The following MND1 variants were observed in gnomAD, a reference collection of about 807,000 sequenced individuals.
MND1 encodes meiotic nuclear division protein 1 homolog.
Under a neutral mutation model 35.1 loss-of-function variants are expected in MND1, and 28 were observed. The observed-to-expected ratio is 0.80, with a 90% CI of 0.59 to 1.09. The LOEUF (loss-of-function observed/expected upper bound fraction) is 1.09. Ranked by LOEUF, MND1 falls within the 50% of genes least tolerant of loss-of-function variation. The pLI, the probability that MND1 is intolerant of heterozygous loss-of-function variation, is 0.00. For synonymous variants in MND1, 69 were observed against 70.5 expected (o/e 0.98, Z 0.11); for missense variants, 213 against 239.6 (o/e 0.89, Z 0.73).
At chr4:153,370,355 C>T (rs1430459824) in intron 4 of MND1, among the ~76,000 whole-genome samples, 1 of 152,056 alleles carries the variant, frequency 6.6e-6, no homozygotes, top group East Asian at 1.9e-4. Context: ...TCTTTATTCT[C>T]TGCTTCTCCT....
At chr4:153,366,926 G>C (rs1773650217) in intron 4 of MND1, among the ~76,000 whole-genome samples, 1 of 152,142 alleles carries the variant, frequency 6.6e-6, no homozygotes, top group Non-Finnish European at 1.5e-5. Context: ...GTGGAATTGG[G>C]ATTCCGTCTC....
At chr4:153,405,808 A>G (rs183419333) in intron 6 of MND1, among the ~76,000 whole-genome samples, 5 of 152,116 alleles carry the variant, frequency 3.3e-5, no homozygotes, top group East Asian at 1.9e-4. Flanking sequence ...AAACAGATTT[A>G]TATTTCTTTT....
At chr4:153,402,175 T>C (rs1037129307) in intron 6 of MND1, among the ~76,000 whole-genome samples, 1 of 152,112 alleles carries the variant, frequency 6.6e-6, no homozygotes, top group African/African-American at 2.4e-5. Flanking sequence ...CAAACATTAA[T>C]TGCAATATCA....
intron 6 of MND1, among the ~76,000 whole-genome samples, chr4:153,402,670 A>G (rs1002339742): frequency 6.6e-6 from 1 of 152,030 alleles, no homozygotes; most frequent in Non-Finnish European, 1.5e-5. Flanking sequence ...CATTATTTAC[A>G]TGTTTGGTGG....
At chr4:153,410,429 CAT>C (rs1230312284) in intron 7 of MND1, among the ~76,000 whole-genome samples, 2 of 152,088 alleles carry the variant, frequency 1.3e-5, no homozygotes, top group South Asian at 2.1e-4. Context: ...CCAGCTTAAA[CAT>C]GTGTTATGCA....
At chr4:153,363,927 T>C (rs533783207) in intron 4 of MND1, among the ~76,000 whole-genome samples, 2 of 152,296 alleles carry the variant, frequency 1.3e-5, no homozygotes, top group African/African-American at 4.8e-5. Flanking sequence ...CTCACTAGGA[T>C]GGCTACTATC....
intron 2 of MND1, 69 bp from the exon 3 acceptor site, chr4:153,355,585 T>A (rs1468678376): frequency 7.8e-6 from 8 of 1,031,242 alleles, no homozygotes; most frequent in South Asian, 2.9e-5. Flanking sequence ...TAAAAATTTT[T>A]AAAAATGAAA....
intron 6 of MND1, among the ~76,000 whole-genome samples, chr4:153,405,290 C>G (rs1297477633): frequency 2.0e-5 from 3 of 152,014 alleles, no homozygotes; most frequent in African/African-American, 7.2e-5. Flanking sequence ...AATAGACATG[C>G]ACACTTCGGG....
At chr4:153,370,999 G>A (rs1773776464) in intron 4 of MND1, among the ~76,000 whole-genome samples, 2 of 152,062 alleles carry the variant, frequency 1.3e-5, no homozygotes, top group East Asian at 1.9e-4. Context: ...AATGGATATT[G>A]TGTTATTAGG....
At position 153,353,026 on chromosome 4, in the gene MND1, A is replaced by G. The variant is rs186867806; in HGVS notation, c.70-2628A>G. On this transcript the variant is annotated intron_variant, in intron 2 of 7. Transcript: ENST00000240488. The stretch of plus-strand genomic sequence containing the variant: ...TCTGGAGCTCTTCCTTGGTGCCTGC[A>G]TTTAGGCAGATATCTCAGTGGTTCA... Among the ~76,000 whole-genome samples, 24 of 152,260 alleles carry G rather than the reference A, an allele frequency of 1.6e-4. No homozygotes were observed. The East Asian group carries it at 4.4e-3, about 28-fold the overall frequency.
intron 3 of MND1, 87 bp downstream of exon 3, chr4:153,355,798 C>T: frequency 1.2e-6 from 1 of 844,716 alleles, no homozygotes; most frequent in Non-Finnish European, 1.9e-6. Context: ...GTCATCTTTT[C>T]TGCAACAGTC....
intron 5 of MND1, among the ~76,000 whole-genome samples, chr4:153,396,396 T>TA (rs1403643867): frequency 1.3e-5 from 2 of 152,176 alleles, no homozygotes; most frequent in African/African-American, 2.4e-5. Flanking sequence ...AAGGAACAGC[T>TA]AAAAGCAAAG....
At chr4:153,404,675 C>T (rs190540844) in intron 6 of MND1, among the ~76,000 whole-genome samples, 2,768 of 151,648 alleles carry the variant, frequency 0.018, 57 homozygotes, top group African/African-American at 0.05. Context: ...AACGGGGTTT[C>T]GCCATGTTGG....
At chr4:153,384,791 G>A (rs1453253221) in intron 4 of MND1, among the ~76,000 whole-genome samples, 1 of 152,002 alleles carries the variant, frequency 6.6e-6, no homozygotes, top group Non-Finnish European at 1.5e-5. Flanking sequence ...CTTACTTGAT[G>A]GGATTTTCAT....
intron 4 of MND1, among the ~76,000 whole-genome samples, chr4:153,389,585 A>G (rs1228683832): frequency 6.6e-6 from 1 of 151,996 alleles, no homozygotes; most frequent in Non-Finnish European, 1.5e-5. Context: ...GGTCTCGAAC[A>G]CCTGACCTCA....
intron 7 of MND1, among the ~76,000 whole-genome samples, chr4:153,409,388 A>G (rs979722749): frequency 1.3e-5 from 2 of 151,562 alleles, no homozygotes; most frequent in Non-Finnish European, 2.9e-5. Context: ...AATAATAATA[A>G]TAGCTAAGGT....
chr4:153,351,965 A>G (rs1003577153), intron 2 of MND1, among the ~76,000 whole-genome samples: 1 of 152,230 alleles, frequency 6.6e-6, no homozygotes, highest in African/African-American at 2.4e-5. Context: ...AAATTAGAAA[A>G]TCAACTAATG....
chr4:153,409,774 T>C (rs1271791957), intron 7 of MND1, among the ~76,000 whole-genome samples: 1 of 152,146 alleles, frequency 6.6e-6, no homozygotes, highest in Non-Finnish European at 1.5e-5. Context: ...ATTTTTTTTT[T>C]CTGAAATTGC....
At position 153,344,732 on chromosome 4, in the gene MND1, C is replaced by G; in HGVS notation, c.-6C>G. On this transcript the variant is annotated 5_prime_UTR_variant, in exon 1 of 8. Coordinates refer to ENST00000240488, the MANE Select transcript of MND1 (RefSeq NM_032117.4). ...CCCGGCCAGCGGAAGCCCCTGCGCC[C>G]GCGCCATGGTAAGGACTGAGGCTAC... The G allele has an allele frequency of 1.3e-6, 2 of 1,596,302 alleles. No homozygotes were observed. The highest frequency in any genetic ancestry group is 2.3e-5 in the East Asian group (1 of 43,218).
Sources: allele counts gnomAD v4.1 joint callset (sites outside exome capture counted in the v4.1 genomes callset), GRCh38; gene constraint gnomAD v4.1.1; transcripts MANE v1.5; gene names NCBI Gene and HGNC (gene_info 2026-07-23, HGNC 2026-07-21).